DAB1: variants seen among roughly 807,000 people sequenced by gnomAD.
DAB1 encodes disabled homolog 1.
DAB1 carries 15 observed loss-of-function variants against 64.6 expected under a neutral mutation model. The ratio of observed to expected loss-of-function variants is 0.23; its 90% confidence interval spans 0.16 to 0.36. DAB1 has a LOEUF of 0.36. DAB1 is among the 10% of genes least tolerant of loss of function. DAB1 has a pLI of 1.00. For synonymous variants in DAB1, 235 were observed against 251.9 expected (o/e 0.93, Z 0.64); for missense variants, 596 against 706.7 (o/e 0.84, Z 1.78).
At chr1:58,418,336 T>A (rs2100216415) in intron 3 of DAB1, among the ~76,000 whole-genome samples, 1 of 152,294 alleles carries the variant, frequency 6.6e-6, no homozygotes, top group African/African-American at 2.4e-5. Flanking sequence ...AGCCTTATAA[T>A]TCTATAAAAT....
intron 1 of DAB1, among the ~76,000 whole-genome samples, chr1:57,376,901 T>C (rs1680940170): frequency 6.6e-6 from 1 of 152,216 alleles, no homozygotes; most frequent in Admixed American, 6.5e-5. Context: ...CACACATATA[T>C]GTACAGAGAA....
intron 3 of DAB1, among the ~76,000 whole-genome samples, chr1:58,466,807 G>A (rs911323421): frequency 1.3e-5 from 2 of 152,132 alleles, no homozygotes; most frequent in Non-Finnish European, 2.9e-5. Context: ...CCCATAACTG[G>A]TCTGTGCAGG....
chr1:58,147,468 A>T (rs1466391230), intron 5 of DAB1, among the ~76,000 whole-genome samples: 1 of 151,052 alleles, frequency 6.6e-6, no homozygotes, highest in East Asian at 2.0e-4. Context: ...AATACAAAAA[A>T]TTAGCCAGGC....
intron 2 of DAB1, among the ~76,000 whole-genome samples, chr1:57,220,164 T>C (rs1666746085): frequency 6.6e-6 from 1 of 152,304 alleles, no homozygotes; most frequent in South Asian, 2.1e-4. Flanking sequence ...CTGGGAAGAA[T>C]GTGACATGGT....
intron 4 of DAB1, among the ~76,000 whole-genome samples, chr1:58,332,083 A>C (rs544767143): frequency 1.1e-4 from 17 of 152,294 alleles, no homozygotes; most frequent in African/African-American, 4.1e-4. Flanking sequence ...TGACTCCTGC[A>C]TCACCCTTCC....
At chr1:58,433,008 A>G (rs957983023) in intron 3 of DAB1, among the ~76,000 whole-genome samples, 10 of 152,210 alleles carry the variant, frequency 6.6e-5, no homozygotes, top group Non-Finnish European at 1.0e-4. Flanking sequence ...GCCGACTCAT[A>G]CAGTACCCGG....
chr1:57,524,312 A>G (rs1570595661), intron 7 of DAB1, among the ~76,000 whole-genome samples: 1 of 152,366 alleles, frequency 6.6e-6, no homozygotes, highest in South Asian at 2.1e-4. Flanking sequence ...GAAAAGGCTT[A>G]CAATGAAGCA....
chr1:57,488,839 A>G (rs1644126530), intron 7 of DAB1, among the ~76,000 whole-genome samples: 1 of 152,234 alleles, frequency 6.6e-6, no homozygotes, highest in African/African-American at 2.4e-5. Flanking sequence ...TCTCATCCAC[A>G]AAATGAAAAT....
intron 4 of DAB1, among the ~76,000 whole-genome samples, chr1:57,090,273 C>G (rs1000188069): frequency 4.6e-5 from 7 of 152,134 alleles, no homozygotes; most frequent in African/African-American, 1.7e-4. Context: ...GAACAAAGAC[C>G]CCTGCTGAAG....
chr1:58,490,286 G>A (rs535982200), intron 3 of DAB1, among the ~76,000 whole-genome samples: 45 of 152,290 alleles, frequency 3.0e-4, no homozygotes, highest in Admixed American at 2.8e-3. Context: ...CAAGAACTAC[G>A]TGACGAATGC....
At chr1:57,034,309 ATC>A (rs922918358) in intron 9 of DAB1, among the ~76,000 whole-genome samples, 4 of 144,152 alleles carry the variant, frequency 2.8e-5, no homozygotes, top group African/African-American at 1.0e-4. Context: ...TCCTCCCCTC[ATC>A]TCTGCAAGCT....
chr1:57,672,265 A>T (rs1646518158), intron 6 of DAB1, among the ~76,000 whole-genome samples: 3 of 152,190 alleles, frequency 2.0e-5, no homozygotes, highest in Admixed American at 2.0e-4. Flanking sequence ...GAATTAGGTT[A>T]TTATCATCCC....
intron 5 of DAB1, among the ~76,000 whole-genome samples, chr1:58,146,540 A>G (rs1415063410): frequency 6.6e-6 from 1 of 152,074 alleles, no homozygotes; most frequent in Non-Finnish European, 1.5e-5. Context: ...TCATGGTTCT[A>G]TTCTCTGTTT....
chr1:57,601,759 A>G (rs1487040687), intron 7 of DAB1, among the ~76,000 whole-genome samples: 3 of 152,206 alleles, frequency 2.0e-5, no homozygotes, highest in Non-Finnish European at 2.9e-5. Flanking sequence ...AGCTCTCCAA[A>G]TGTTATTTGT....
At chr1:57,155,015 T>C (rs918146148) in intron 2 of DAB1, among the ~76,000 whole-genome samples, 1 of 152,202 alleles carries the variant, frequency 6.6e-6, no homozygotes, top group Non-Finnish European at 1.5e-5. Context: ...GTGCAGAAGC[T>C]TTTTAGCTTG....
chr1:58,401,054 T>A (rs2100563566), intron 3 of DAB1, among the ~76,000 whole-genome samples: 1 of 152,302 alleles, frequency 6.6e-6, no homozygotes, highest in Middle Eastern at 3.4e-3. Flanking sequence ...GGAAGTTATA[T>A]GCCCTGTCTG....
chr1:57,764,002 CAAAGACTAT>C (rs1161317849), intron 6 of DAB1, among the ~76,000 whole-genome samples: 2 of 152,152 alleles, frequency 1.3e-5, no homozygotes, highest in Non-Finnish European at 2.9e-5. Flanking sequence ...AGGTAAGTTG[CAAAGACTAT>C]CACATGTGTT....
intron 3 of DAB1, among the ~76,000 whole-genome samples, chr1:58,367,482 C>T (rs1285807291): frequency 6.6e-6 from 1 of 152,174 alleles, no homozygotes; most frequent in East Asian, 1.9e-4. Flanking sequence ...CAGCATGAGT[C>T]CCTCTCACCA....
At chr1:58,412,670 C>G (rs902335555) in intron 3 of DAB1, among the ~76,000 whole-genome samples, 1 of 152,188 alleles carries the variant, frequency 6.6e-6, no homozygotes, top group African/African-American at 2.4e-5. Context: ...ACTGTATCCT[C>G]CATGGTGAGT....
Sources: gnomAD v4.1 joint callset for allele counts (sites outside exome capture counted in the v4.1 genomes callset) on GRCh38, gnomAD v4.1.1 for gene constraint, MANE v1.5 for transcripts, NCBI Gene and HGNC (gene_info 2026-07-23, HGNC 2026-07-21) for gene names.